Variants in MTUS2 observed in about 807,000 individuals in gnomAD.
The protein encoded by MTUS2 is microtubule associated scaffold protein 2.
MTUS2 carries 40 observed loss-of-function variants against 114.1 expected under a neutral mutation model. The observed-to-expected ratio is 0.35, with a 90% CI of 0.27 to 0.46. The LOEUF (loss-of-function observed/expected upper bound fraction) is 0.46. Among genes scored for constraint, MTUS2 ranks in the 20% least tolerant of loss-of-function variants. The probability of loss-of-function intolerance (pLI) is 1.00; values close to 1 mark genes in which losing one functional copy is unlikely to be tolerated. For missense variants in MTUS2, 1,679 were observed against 1,705.4 expected (o/e 0.98, Z 0.27); for synonymous variants, 688 against 672.0 (o/e 1.02, Z -0.37).
intron 4 of MTUS2, among the ~76,000 whole-genome samples, chr13:29,091,577 C>A (rs999540530): frequency 1.1e-4 from 16 of 152,136 alleles, no homozygotes; most frequent in Non-Finnish European, 1.9e-4. Flanking sequence ...TCCAGTCTTC[C>A]CCTTAGTGCT....
chr13:29,269,506 A>G (rs1897795081), intron 5 of MTUS2, among the ~76,000 whole-genome samples: 1 of 152,240 alleles, frequency 6.6e-6, no homozygotes, highest in Non-Finnish European at 1.5e-5. Context: ...CCACACCACA[A>G]AGATAACATT....
chr13:29,176,474 C>T (rs1893777291), intron 5 of MTUS2, among the ~76,000 whole-genome samples: 1 of 152,172 alleles, frequency 6.6e-6, no homozygotes, highest in Non-Finnish European at 1.5e-5. Context: ...TGTCCAGGGT[C>T]TTAGTCCACT....
At chr13:29,365,205 G>C (rs1285116550) in intron 8 of MTUS2, among the ~76,000 whole-genome samples, 3 of 152,098 alleles carry the variant, frequency 2.0e-5, no homozygotes, top group African/African-American at 7.2e-5. Flanking sequence ...CAATATCAAG[G>C]GACAGAATCC....
At chr13:29,226,074 A>T (rs1896096437) in intron 5 of MTUS2, among the ~76,000 whole-genome samples, 1 of 152,140 alleles carries the variant, frequency 6.6e-6, no homozygotes, top group Non-Finnish European at 1.5e-5. Context: ...CTGCTGAGTT[A>T]ATATTAGCCT....
intron 2 of MTUS2, among the ~76,000 whole-genome samples, chr13:29,022,369 A>G (rs1886327607): frequency 1.3e-5 from 2 of 152,284 alleles, no homozygotes; most frequent in South Asian, 4.1e-4. Flanking sequence ...GCTTTGTAAC[A>G]TATACATTTT....
At chr13:29,032,020 G>T (rs976273796) in intron 3 of MTUS2, among the ~76,000 whole-genome samples, 6 of 152,098 alleles carry the variant, frequency 3.9e-5, no homozygotes, top group African/African-American at 1.4e-4. Flanking sequence ...CCTCCATTGG[G>T]ATGGAGGGAG....
intron 7 of MTUS2, among the ~76,000 whole-genome samples, chr13:29,349,120 T>C (rs1041374210): frequency 1.2e-4 from 19 of 152,258 alleles, no homozygotes; most frequent in African/African-American, 4.6e-4. Context: ...TTTACTGCCT[T>C]CTTTTGGCAT....
Position 29,026,148 on chromosome 13 carries a change from C to T in MTUS2, c.1450C>T (p.Pro484Ser), listed in dbSNP as rs1389425491. ...TGTTGGAGAGAACAAGACGGAGGTG[C>T]CTGAGCCCCTGGACCCTCAAAGTGG... ...PSVGENKTEVPEPLDPQSGRS... is the reference protein window; with the variant it reads ...PSVGENKTEVSEPLDPQSGRS... The change falls in exon 3 of 16, where the codon CCT becomes TCT. Residue 484 changes from proline (P) to serine (S), a missense_variant. This residue lies in a region of MTUS2 where 843 missense variants were observed against 770.8 expected (regional missense o/e 1.09). Transcript: ENST00000612955. The T allele has an allele frequency of 6.2e-7, 1 of 1,613,866 alleles. No individual in the cohort carries two copies. Among genetic ancestry groups the T allele is most frequent in the African/African-American group, 1.3e-5 (1 of 74,892 alleles).
At chr13:28,922,850 G>A (rs956562954) in intron 2 of MTUS2, among the ~76,000 whole-genome samples, 1 of 152,122 alleles carries the variant, frequency 6.6e-6, no homozygotes, top group African/African-American at 2.4e-5. Context: ...GTTAAAATAT[G>A]GTGTTTCTGT....
rs1555272876 is a variant in MTUS2, at chr13:29,390,162, TTGTG to T, written c.3117+30701_3117+30704del. On this transcript the variant is annotated intron_variant, in intron 8 of 15. Coordinates refer to ENST00000612955, the MANE Select transcript of MTUS2 (RefSeq NM_001033602.4). ...ACTATATATATATACACACACACAC[TTGTG>T]TGTGTGTGTGTTTATGAATATATAT... 2.5e-5 allele frequency among the ~76,000 whole-genome samples: 3 copies of T among 118,980 alleles called. 1 individual carries two copies. The highest frequency in any genetic ancestry group is 8.3e-5 in the African/African-American group (3 of 36,116). 78.1% of individuals were successfully genotyped at this position (118,980 alleles called of 152,430 possible). A position where few individuals can be genotyped will look rare whatever the true frequency, so the allele number is the denominator to read the frequency against.
intron 11 of MTUS2, chr13:29,488,295 C>T (rs532969437): frequency 2.2e-6 from 1 of 460,624 alleles, no homozygotes; most frequent in South Asian, 2.3e-5. Flanking sequence ...CAGTCCCACC[C>T]CAGGGATTCT....
At chr13:28,873,657 A>G (rs1032933662) in intron 2 of MTUS2, among the ~76,000 whole-genome samples, 5 of 152,238 alleles carry the variant, frequency 3.3e-5, no homozygotes, top group Non-Finnish European at 5.9e-5. Context: ...AAAATCACAC[A>G]TATTGCCAGC....
intron 9 of MTUS2, among the ~76,000 whole-genome samples, chr13:29,453,241 A>G (rs1878860823): frequency 1.3e-5 from 2 of 151,986 alleles, no homozygotes; most frequent in African/African-American, 2.4e-5. Flanking sequence ...TGCAAAATAT[A>G]TGTTGTAAAT....
intron 4 of MTUS2, among the ~76,000 whole-genome samples, chr13:29,046,261 C>T (rs2479767): frequency 0.96 from 145,223 of 151,948 alleles, 69,504 homozygotes; most frequent in South Asian, 0.98. Context: ...TATAGGCGTG[C>T]ACCACCATAC....
intron 2 of MTUS2, among the ~76,000 whole-genome samples, chr13:28,973,184 A>T (rs1273961290): frequency 1.3e-5 from 2 of 152,142 alleles, no homozygotes; most frequent in Non-Finnish European, 2.9e-5. Flanking sequence ...TGGATGTAAA[A>T]TTTAGTTTTT....
At chr13:29,204,014 C>T (rs1165037780) in intron 5 of MTUS2, among the ~76,000 whole-genome samples, 1 of 151,542 alleles carries the variant, frequency 6.6e-6, no homozygotes, top group East Asian at 1.9e-4. Context: ...GGCTGGAGTG[C>T]AGTGGCATGA....
rs59726006 is a variant in MTUS2 at position 29,195,539 on chromosome 13, GAAA to G, written c.2645-86145_2645-86143del. 4.3e-3 allele frequency among the ~76,000 whole-genome samples: 337 copies of G among 78,538 alleles called. 2 individuals carry two copies. The highest frequency in any genetic ancestry group is 0.012 in the African/African-American group (289 of 23,594). The allele number at this position is 78,538 out of a possible 152,430, so 51.5% of individuals were successfully genotyped here. On this transcript the variant is annotated intron_variant, in intron 5 of 15. Transcript: ENST00000612955. ...CCATCACAGATTAAAACTTAATTCT[GAAA>G]AAAAAAAAAAAAAAAAAAAGAGCTA...
At chr13:29,426,656 A>G (rs1593431669) in intron 8 of MTUS2, among the ~76,000 whole-genome samples, 1 of 152,244 alleles carries the variant, frequency 6.6e-6, no homozygotes, top group South Asian at 2.1e-4. Flanking sequence ...GGCTTATTTC[A>G]CTTAACATGA....
intron 8 of MTUS2, among the ~76,000 whole-genome samples, chr13:29,432,754 C>T (rs889180124): frequency 6.6e-6 from 1 of 152,220 alleles, no homozygotes; most frequent in East Asian, 1.9e-4. Flanking sequence ...CCAACAGCAA[C>T]ACTTGCTGGT....
Sources: allele counts gnomAD v4.1 joint callset (sites outside exome capture counted in the v4.1 genomes callset), GRCh38; gene constraint gnomAD v4.1.1; regional missense constraint gnomAD v4.1.1; transcripts MANE v1.5; gene names NCBI Gene and HGNC (gene_info 2026-07-23, HGNC 2026-07-21).